CNTLN: variants seen among roughly 807,000 people sequenced by gnomAD.
CNTLN encodes the protein centlein.
A neutral mutation model predicts 180.0 loss-of-function variants in CNTLN; 212 were observed. That is an observed-to-expected ratio of 1.18 (90% CI 1.05 to 1.32). The LOEUF (loss-of-function observed/expected upper bound fraction) is 1.32, where lower values mean the gene tolerates loss of function less well. Ranked by LOEUF, CNTLN falls within the 40% of genes most tolerant of loss-of-function variation. The pLI is 0.00. For missense variants in CNTLN, 2,095 were observed against 1,610.9 expected, an observed-to-expected ratio of 1.30 and a Z score of -5.14; for synonymous variants, 722 against 563.1, an observed-to-expected ratio of 1.28 and a Z score of -3.99.
intron 10 of CNTLN, among the ~76,000 whole-genome samples, chr9:17,337,101 C>G (rs896567712): frequency 6.6e-6 from 1 of 152,014 alleles, no homozygotes; most frequent in Non-Finnish European, 1.5e-5. Flanking sequence ...GCTACATAAA[C>G]GTGTTCTTTT....
rs3837233 is a variant in CNTLN at position 17,307,972 on chromosome 9, CCACACACACACACA to C, written c.1147-1053_1147-1040del. On this transcript the variant is annotated intron_variant, in intron 7 of 25. Transcript: ENST00000380647. ...AAGATTTTACTGTTAGCCTTTAAAACCACACACACACACACACACACACACACACACACACACAC... is the reference window on the plus strand; with the variant it reads ...AAGATTTTACTGTTAGCCTTTAAAACCACACACACACACACACACACACAC... 9.3e-4 allele frequency among the ~76,000 whole-genome samples: 128 copies of C among 137,906 alleles called. 1 individual carries two copies. The highest frequency in any genetic ancestry group is 3.8e-3 in the Middle Eastern group (1 of 262). 90.5% of individuals were successfully genotyped at this position (137,906 alleles called of 152,430 possible). A position where few individuals can be genotyped will look rare whatever the true frequency, so the allele number is the denominator to read the frequency against.
intron 12 of CNTLN, among the ~76,000 whole-genome samples, chr9:17,342,670 G>C (rs980847212): frequency 5.9e-5 from 9 of 152,170 alleles, no homozygotes; most frequent in African/African-American, 2.2e-4. Context: ...ATGATCTAGG[G>C]ATTGTGTTAA....
chr9:17,182,296 G>C (rs142803269), intron 2 of CNTLN, among the ~76,000 whole-genome samples: 11 of 151,954 alleles, frequency 7.2e-5, no homozygotes, highest in Middle Eastern at 3.4e-3. Flanking sequence ...TTTTCTTTCT[G>C]TACTTAGTGG....
At chr9:17,267,190 C>T (rs1311171552) in intron 5 of CNTLN, among the ~76,000 whole-genome samples, 1 of 152,050 alleles carries the variant, frequency 6.6e-6, no homozygotes, top group African/African-American at 2.4e-5. Flanking sequence ...TTGTTCCTTT[C>T]CATGTTTAGT....
At chr9:17,142,762 C>T (rs540274885) in intron 1 of CNTLN, among the ~76,000 whole-genome samples, 1 of 152,208 alleles carries the variant, frequency 6.6e-6, no homozygotes, top group Non-Finnish European at 1.5e-5. Context: ...AAAAGCTCCT[C>T]AAAAGAGATA....
chr9:17,379,746 A>C (rs1468726409), intron 13 of CNTLN, among the ~76,000 whole-genome samples: 1 of 152,190 alleles, frequency 6.6e-6, no homozygotes, highest in Non-Finnish European at 1.5e-5. Context: ...TTCCAAATAT[A>C]TATTTCCTAT....
chr9:17,458,355 T>C (rs992771006), intron 19 of CNTLN, among the ~76,000 whole-genome samples: 25 of 152,026 alleles, frequency 1.6e-4, no homozygotes, highest in African/African-American at 5.3e-4. Flanking sequence ...GGAAAGTTCA[T>C]TTTCATGCTT....
At chr9:17,455,665 C>T (rs946386004) in intron 18 of CNTLN, among the ~76,000 whole-genome samples, 1 of 151,856 alleles carries the variant, frequency 6.6e-6, no homozygotes, top group Non-Finnish European at 1.5e-5. Context: ...CAGATTTCAG[C>T]AGAAAGAAAC....
At chr9:17,379,608 A>C (rs2133574920) in intron 13 of CNTLN, among the ~76,000 whole-genome samples, 1 of 152,208 alleles carries the variant, frequency 6.6e-6, no homozygotes, top group East Asian at 1.9e-4. Flanking sequence ...GTATCTAAAA[A>C]CCATTTTTCA....
In CNTLN at chr9:17,309,203, G is replaced by A. The variant is rs749258343; in HGVS notation, c.1292G>A (p.Gly431Glu). 18 of 1,607,422 alleles carry A rather than the reference G, an allele frequency of 1.1e-5. No individual in the cohort carries two copies. In the South Asian group the frequency reaches 1.2e-4, roughly 11 times the overall value. Reference protein sequence around the residue: ...KLKEKLQESQGAPLPLPQESD... With the variant: ...KLKEKLQESQEAPLPLPQESD... Reference sequence around the variant, plus strand: ...AAAGAAAAACTTCAGGAATCACAGGGAGCACCTCTTCCTTTACCTCAAGAA... The same window carrying A: ...AAAGAAAAACTTCAGGAATCACAGGAAGCACCTCTTCCTTTACCTCAAGAA... The change falls in exon 8 of 26, where the codon GGA (glycine) becomes GAA (glutamate). Residue 431 changes from glycine (G) to glutamate (E), a missense_variant. Coordinates refer to ENST00000380647, the MANE Select transcript of CNTLN (RefSeq NM_017738.4).
intron 2 of CNTLN, among the ~76,000 whole-genome samples, chr9:17,188,262 C>CAT (rs147215045): frequency 0.019 from 2,888 of 151,962 alleles, 58 homozygotes; most frequent in African/African-American, 0.05. Context: ...AAAAAAATCA[C>CAT]GTTTAGATTT....
At chr9:17,478,345 G>T (rs749219049) in intron 23 of CNTLN, among the ~76,000 whole-genome samples, 1 of 152,014 alleles carries the variant, frequency 6.6e-6, no homozygotes, top group African/African-American at 2.4e-5. Context: ...GAAAATATTT[G>T]TCTTCCATTG....
At chr9:17,484,609 A>G (rs1157912819) in intron 24 of CNTLN, 129 bp downstream of exon 24, 2 of 717,754 alleles carry the variant, frequency 2.8e-6, no homozygotes. Context: ...AGATGGTTAA[A>G]GTGCCAATGA....
At chr9:17,286,595 G>A (rs1295246592) in intron 6 of CNTLN, among the ~76,000 whole-genome samples, 2 of 138,944 alleles carry the variant, frequency 1.4e-5, no homozygotes, top group African/African-American at 2.9e-5. Flanking sequence ...ATTACCTTGG[G>A]CAGTATGGCC....
rs879793760 is a variant in CNTLN at position 17,257,721 on chromosome 9, T to C, written c.850-16012T>C. On this transcript the variant is annotated intron_variant, in intron 5 of 25. Coordinates refer to ENST00000380647, the MANE Select transcript of CNTLN (RefSeq NM_017738.4). ...GTGGTTTTGATTTGCATTTCTCTGA[T>C]GGCCAGTGATGATGAGCATTTTTTC... Among the ~76,000 whole-genome samples, 790 of 151,632 alleles carry C rather than the reference T, an allele frequency of 5.2e-3. 3 individuals carry two copies. Among genetic ancestry groups the C allele is most frequent in the Non-Finnish European group, 8.1e-3 (554 of 67,998 alleles).
chr9:17,263,712 C>T (rs1238760543), intron 5 of CNTLN, among the ~76,000 whole-genome samples: 5 of 143,852 alleles, frequency 3.5e-5, no homozygotes, highest in African/African-American at 1.4e-4. Context: ...CTGTTGTTTC[C>T]TGACTTTTTA....
At chr9:17,296,230 A>T (rs552686037) in intron 6 of CNTLN, among the ~76,000 whole-genome samples, 17 of 151,812 alleles carry the variant, frequency 1.1e-4, no homozygotes, top group African/African-American at 4.1e-4. Context: ...CGAACTCCTG[A>T]CCTCAGGTGA....
chr9:17,442,151 A>G (rs1830148072), intron 18 of CNTLN, among the ~76,000 whole-genome samples: 1 of 152,216 alleles, frequency 6.6e-6, no homozygotes, highest in African/African-American at 2.4e-5. Context: ...GGACTTGAAC[A>G]AGACTGTGGA....
At chr9:17,410,716 G>T (rs138034168) in intron 16 of CNTLN, among the ~76,000 whole-genome samples, 8 of 152,048 alleles carry the variant, frequency 5.3e-5, no homozygotes, top group African/African-American at 1.9e-4. Flanking sequence ...GTCTAGCATT[G>T]ATTTTTTCAT....
Sources: gnomAD v4.1 joint callset for allele counts (sites outside exome capture counted in the v4.1 genomes callset) on GRCh38, gnomAD v4.1.1 for gene constraint, MANE v1.5 for transcripts, NCBI Gene and HGNC (gene_info 2026-07-23, HGNC 2026-07-21) for gene names.